Variants in ZFAT observed in about 807,000 individuals in gnomAD.
ZFAT encodes zinc finger protein ZFAT.
ZFAT carries 64 observed loss-of-function variants against 117.7 expected under a neutral mutation model. That is an observed-to-expected ratio of 0.54 (90% CI 0.44 to 0.67). The LOEUF (loss-of-function observed/expected upper bound fraction) is 0.67. Ranked by LOEUF, ZFAT falls within the 30% of genes least tolerant of loss-of-function variation. The probability of loss-of-function intolerance (pLI) is 0.00; values close to 1 mark genes in which losing one functional copy is unlikely to be tolerated. For synonymous variants in ZFAT, 679 were observed against 615.0 expected, an observed-to-expected ratio of 1.10 and a Z score of -1.54; for missense variants, 1,433 against 1,584.5, an observed-to-expected ratio of 0.90 and a Z score of 1.62.
chr8:134,625,669 G>A (rs932870767), intron 3 of ZFAT, among the ~76,000 whole-genome samples: 7 of 152,138 alleles, frequency 4.6e-5, no homozygotes, highest in Non-Finnish European at 8.8e-5. Flanking sequence ...TTCAGGAAGT[G>A]GGAGAAAAAA....
intron 12 of ZFAT, among the ~76,000 whole-genome samples, chr8:134,525,943 T>A (rs1047685182): frequency 9.2e-5 from 14 of 152,268 alleles, no homozygotes; most frequent in African/African-American, 3.4e-4. Context: ...ATAAACTTCA[T>A]TTTTAACTTC....
At chr8:134,521,248 T>C (rs1410007956) in intron 12 of ZFAT, among the ~76,000 whole-genome samples, 3 of 152,246 alleles carry the variant, frequency 2.0e-5, no homozygotes, top group Non-Finnish European at 4.4e-5. Context: ...CAGCCCAATA[T>C]GTGCCCAACA....
chr8:134,514,952 C>T (rs189929968), intron 13 of ZFAT, among the ~76,000 whole-genome samples: 2 of 152,282 alleles, frequency 1.3e-5, no homozygotes, highest in African/African-American at 4.8e-5. Context: ...AATGCTATCC[C>T]TCCCCTAGCC....
rs201452650 is a variant in ZFAT at position 134,638,564 on chromosome 8, AC to A, written c.197-853del. On this transcript the variant is annotated intron_variant, in intron 2 of 15. Coordinates refer to ENST00000377838, the MANE Select transcript of ZFAT (RefSeq NM_020863.4). Reference sequence around the variant, plus strand: ...ACTAAAAATACAAAAAAAAAACAAAACAAAAAAAAAAAACATTAACCAGGCG... The same window carrying A: ...ACTAAAAATACAAAAAAAAAACAAAAAAAAAAAAAAAACATTAACCAGGCG... Among the ~76,000 whole-genome samples, 66 of 25,234 alleles carry A rather than the reference AC, an allele frequency of 2.6e-3. 4 individuals carry two copies. Among genetic ancestry groups the A allele is most frequent in the African/African-American group, 7.7e-3 (42 of 5,470 alleles). The allele number at this position is 25,234 out of a possible 152,430, so 16.6% of individuals were successfully genotyped here. A position where few individuals can be genotyped will look rare whatever the true frequency, so the allele number is the denominator to read the frequency against.
At chr8:134,480,124 A>T (rs996908981) in intron 15 of ZFAT, among the ~76,000 whole-genome samples, 1 of 151,870 alleles carries the variant, frequency 6.6e-6, no homozygotes, top group Non-Finnish European at 1.5e-5. Context: ...ACCACACCCA[A>T]TGAATTTTTG....
chr8:134,767,134 G>A, the ZFAT span: 4 of 152,072 alleles, frequency 2.6e-5, no homozygotes, highest in Admixed American at 6.6e-5. Context: ...TGAAACTTAC[G>A]GCACAGTATA....
chr8:134,496,931 C>T (rs1031759641), intron 15 of ZFAT, among the ~76,000 whole-genome samples: 2 of 152,248 alleles, frequency 1.3e-5, no homozygotes, highest in Non-Finnish European at 2.9e-5. Flanking sequence ...AGCTGACCAC[C>T]GGGTCTAACC....
intron 1 of ZFAT, among the ~76,000 whole-genome samples, chr8:134,673,898 A>G (rs1832672257): frequency 1.3e-5 from 2 of 152,208 alleles, no homozygotes; most frequent in Admixed American, 6.5e-5. Context: ...AGATCACCTG[A>G]GGTCAAGAGT....
At chr8:134,761,654 C>T in the ZFAT span, among the ~76,000 whole-genome samples, 9 of 151,642 alleles carry the variant, frequency 5.9e-5, no homozygotes, top group African/African-American at 1.9e-4. Context: ...GAGCCGAGAT[C>T]GTGCCACTGC....
chr8:134,688,318 T>A (rs1833431985), intron 1 of ZFAT, among the ~76,000 whole-genome samples: 1 of 152,138 alleles, frequency 6.6e-6, no homozygotes, highest in Admixed American at 6.5e-5. Flanking sequence ...AACATATACA[T>A]GCGCACACAT....
intron 15 of ZFAT, among the ~76,000 whole-genome samples, chr8:134,488,537 A>T (rs995189555): frequency 2.6e-5 from 4 of 152,196 alleles, no homozygotes; most frequent in African/African-American, 9.7e-5. Flanking sequence ...TCTGCTTTGG[A>T]GTGTCACATC....
At chr8:134,607,983 G>A (rs1586807170) in intron 5 of ZFAT, among the ~76,000 whole-genome samples, 1 of 152,160 alleles carries the variant, frequency 6.6e-6, no homozygotes, top group Admixed American at 6.5e-5. Context: ...TTCCACAGGA[G>A]GTCTTGAAGT....
At chr8:134,570,723 G>A (rs1294777377) in intron 10 of ZFAT, among the ~76,000 whole-genome samples, 1 of 152,160 alleles carries the variant, frequency 6.6e-6, no homozygotes, top group Non-Finnish European at 1.5e-5. Context: ...TGGTCACACA[G>A]GGCATCACAA....
intron 3 of ZFAT, among the ~76,000 whole-genome samples, chr8:134,624,088 C>T (rs145675452): frequency 3.7e-4 from 57 of 152,194 alleles, no homozygotes; most frequent in Non-Finnish European, 4.3e-4. Context: ...AGTAGGCGCT[C>T]GGTGCCTCTG....
At chr8:134,652,265 T>C (rs1329886641) in intron 2 of ZFAT, among the ~76,000 whole-genome samples, 1 of 152,176 alleles carries the variant, frequency 6.6e-6, no homozygotes, top group Non-Finnish European at 1.5e-5. Context: ...AGACTCTGTC[T>C]CAAAATAATA....
the ZFAT span, among the ~76,000 whole-genome samples, chr8:134,791,022 A>G: frequency 6.6e-6 from 1 of 152,204 alleles, no homozygotes; most frequent in Non-Finnish European, 1.5e-5. Flanking sequence ...ATTTCTTCAA[A>G]TGCGTCTGAA....
intron 11 of ZFAT, among the ~76,000 whole-genome samples, chr8:134,534,775 AAGAGAGAGAG>A (rs36097833): frequency 7.3e-6 from 1 of 136,344 alleles, no homozygotes; most frequent in Non-Finnish European, 1.5e-5. Flanking sequence ...GAGAGGGAGA[AAGAGAGAGAG>A]AGAGAGAGAG....
At chr8:134,556,031 A>G (rs1385473822) in intron 11 of ZFAT, among the ~76,000 whole-genome samples, 5 of 60,374 alleles carry the variant, frequency 8.3e-5, no homozygotes, top group Non-Finnish European at 1.3e-4. Context: ...AGGGAGGGAG[A>G]GAAGGAAGGA....
chr8:134,708,714 A>G (rs1813876466), intron 1 of ZFAT, among the ~76,000 whole-genome samples: 1 of 152,122 alleles, frequency 6.6e-6, no homozygotes, highest in Admixed American at 6.5e-5. Flanking sequence ...GCACTTTGGG[A>G]GGCTGAGGCA....
Sources: allele counts gnomAD v4.1 joint callset (sites outside exome capture counted in the v4.1 genomes callset), GRCh38; gene constraint gnomAD v4.1.1; transcripts MANE v1.5; gene names NCBI Gene and HGNC (gene_info 2026-07-23, HGNC 2026-07-21).